Variants in ANK1 observed in about 807,000 individuals in gnomAD.
ANK1 encodes ankyrin-1.
In ANK1, 51 loss-of-function variants were observed where a neutral mutation model predicts 210.4. That is an observed-to-expected ratio of 0.24 (90% confidence interval 0.19 to 0.31). The LOEUF is 0.31. Ranked by LOEUF, ANK1 falls within the 10% of genes least tolerant of loss-of-function variation. The probability of loss-of-function intolerance (pLI) is 1.00; values close to 1 mark genes in which losing one functional copy is unlikely to be tolerated. For missense variants in ANK1, 2,051 were observed against 2,504.4 expected, an observed-to-expected ratio of 0.82 and a Z score of 3.86; for synonymous variants, 967 against 1,025.9, an observed-to-expected ratio of 0.94 and a Z score of 1.10.
At position 41,842,900 on chromosome 8, in the gene ANK1, A is replaced by G. The variant is rs567903781; in HGVS notation, c.126+53455T>C. ...CTCCTTCTGTCGCCCAGGCTGGAGT[A>G]CAGTGGCATGATCTCCGCTCACTGC... On this transcript the variant is annotated intron_variant, in intron 1 of 42. Coordinates refer to the ANK1 transcript ENST00000265709. 5.9e-5 allele frequency among the ~76,000 whole-genome samples: 9 copies of G among 152,066 alleles called. 1 individual carries two copies. In the South Asian group the frequency reaches 6.2e-4, roughly 11 times the overall value.
intron 2 of ANK1, among the ~76,000 whole-genome samples, chr8:41,754,906 C>A (rs1382359418): frequency 3.3e-5 from 5 of 152,226 alleles, no homozygotes; most frequent in African/African-American, 1.2e-4. Flanking sequence ...TTCTGCTCAG[C>A]CACAGACCAT....
At chr8:41,839,563 C>G (rs572600185) in intron 1 of ANK1, among the ~76,000 whole-genome samples, 1 of 152,196 alleles carries the variant, frequency 6.6e-6, no homozygotes, top group South Asian at 2.1e-4. Context: ...AGGCACATAT[C>G]GGTGGGATAA....
chr8:41,813,691 A>G (rs1199170194), intron 1 of ANK1, among the ~76,000 whole-genome samples: 2 of 152,190 alleles, frequency 1.3e-5, no homozygotes, highest in Non-Finnish European at 2.9e-5. Flanking sequence ...TTAAAATCCT[A>G]TTAAGGTTAG....
At position 41,698,081 on chromosome 8, in the gene ANK1, G is replaced by T; in HGVS notation, c.2599C>A (p.Pro867Thr). The change falls in exon 24 of 43, where the codon CCT (proline) becomes ACT (threonine). Residue 867 changes from proline (P) to threonine (T), a missense_variant. By Grantham distance (38) the Pro-to-Thr change is conservative. Around this residue, in one of 6 missense-constraint regions of ANK1, gnomAD observed 1,413 missense variants for 1,707.4 expected, o/e 0.83. Transcript: ENST00000289734. ...PAIPRIPCAM[P>T]ETVVIRSEEQ... ...TCTGACCTGATCACCACTGTCTCAGGCATGGCACAGGGAATCCTGGGGATG... is the reference window on the plus strand; with the variant it reads ...TCTGACCTGATCACCACTGTCTCAGTCATGGCACAGGGAATCCTGGGGATG... 6.2e-7 allele frequency: 1 copy of T among 1,614,074 alleles called. No individual in the cohort carries two copies.
In ANK1 at chr8:41,661,493, C is replaced by A. The variant is rs780517782; in HGVS notation, c.5616G>T (p.Arg1872=). Residue 1872 remains arginine (R), a synonymous_variant, in exon 42 of 43, where the codon CGG becomes CGT. Coordinates refer to ENST00000289734, the MANE Select transcript of ANK1 (RefSeq NM_000037.4). ...EGRKGAQIVK[R]ASLKRGKQ ...ACTGTTTCCCCCTTTTCAGGCTGGCCCGCTTCACTATCTGCGCCCCCTTCC... is the reference window on the plus strand; with the variant it reads ...ACTGTTTCCCCCTTTTCAGGCTGGCACGCTTCACTATCTGCGCCCCCTTCC... 5 of 1,614,098 alleles carry A rather than the reference C, an allele frequency of 3.1e-6. No individual in the cohort carries two copies. Among genetic ancestry groups the A allele is most frequent in the Non-Finnish European group, 4.2e-6 (5 of 1,180,040 alleles).
chr8:41,708,993 G>A lies in ANK1; in HGVS notation c.1801-18C>T, dbSNP rs756538201. ...TAGCCATTCTGAAACAGAAGAAGCC[G>A]CCCAGAGCCTGGTTACAGGAATGCT... is the stretch of plus-strand genomic sequence containing the variant. On this transcript the variant is annotated intron_variant, in intron 16 of 42. Coordinates refer to ENST00000289734, the MANE Select transcript of ANK1 (RefSeq NM_000037.4). The A allele has an allele frequency of 3.2e-5, 51 of 1,613,088 alleles. No individual in the cohort carries two copies. The highest frequency in any genetic ancestry group is 1.9e-4 in the South Asian group (17 of 91,026).
At chr8:41,697,727 C>A in intron 24 of ANK1, 1 of 438,352 alleles carries the variant, frequency 2.3e-6, no homozygotes, top group Non-Finnish European at 4.3e-6. Flanking sequence ...GAGTTCCTAC[C>A]CTAGGCCAAG....
chr8:41,666,222 T>C (rs777705761), intron 39 of ANK1, among the ~76,000 whole-genome samples: 1 of 145,950 alleles, frequency 6.9e-6, no homozygotes, highest in Non-Finnish European at 1.5e-5. Flanking sequence ...GCTAACACTA[T>C]GAATGATAAT....
intron 3 of ANK1, among the ~76,000 whole-genome samples, chr8:41,732,420 T>C (rs904724234): frequency 2.6e-5 from 4 of 152,182 alleles, no homozygotes; most frequent in Non-Finnish European, 5.9e-5. Context: ...TCATTTTATT[T>C]ATTTATTTTT....
intron 1 of ANK1, among the ~76,000 whole-genome samples, chr8:41,821,831 T>A (rs558145583): frequency 6.6e-6 from 1 of 152,110 alleles, no homozygotes; most frequent in Non-Finnish European, 1.5e-5. Context: ...GTGGATCACC[T>A]GAGGTCAGGA....
intron 14 of ANK1, 150 bp from the exon 15 acceptor site, chr8:41,715,224 A>G: frequency 1.4e-6 from 1 of 719,864 alleles, no homozygotes; most frequent in Non-Finnish European, 2.4e-6. Context: ...TGGGAGGCCG[A>G]AGACCTCAGG....
intron 39 of ANK1, chr8:41,665,207 T>C: frequency 6.5e-7 from 1 of 1,528,132 alleles, no homozygotes. Context: ...GGACACCGAA[T>C]GGCCCTCTCG....
intron 36 of ANK1, 116 bp downstream of exon 36, chr8:41,686,036 G>A (rs934473978): frequency 6.6e-7 from 1 of 1,513,988 alleles, no homozygotes; most frequent in African/African-American, 1.4e-5. Context: ...GTGTGTGTGA[G>A]AGAGACAGAG....
At chr8:41,841,015 A>G (rs1195546613) in intron 1 of ANK1, among the ~76,000 whole-genome samples, 1 of 152,150 alleles carries the variant, frequency 6.6e-6, no homozygotes, top group Non-Finnish European at 1.5e-5. Context: ...ATTACTGCGA[A>G]TCTACCGTGT....
At chr8:41,848,023 C>T (rs556833162) in intron 1 of ANK1, among the ~76,000 whole-genome samples, 6 of 151,692 alleles carry the variant, frequency 4.0e-5, no homozygotes, top group Admixed American at 2.0e-4. Context: ...TGTTTCTACT[C>T]AAAATACAAA....
chr8:41,723,322 T>A, intron 8 of ANK1, 99 bp from the exon 9 acceptor site: 2 of 1,343,780 alleles, frequency 1.5e-6, no homozygotes, highest in Non-Finnish European at 2.1e-6. Context: ...CCCACGCAAG[T>A]GCTGACGTTT....
intron 1 of ANK1, among the ~76,000 whole-genome samples, chr8:41,846,216 A>C (rs1455450095): frequency 1.3e-5 from 2 of 152,202 alleles, no homozygotes; most frequent in East Asian, 3.9e-4. Flanking sequence ...TACAAAGCTT[A>C]TTACAGACTA....
intron 3 of ANK1, among the ~76,000 whole-genome samples, chr8:41,731,800 C>A (rs1439671679): frequency 6.6e-6 from 1 of 152,214 alleles, no homozygotes. Flanking sequence ...CGGAAACAGT[C>A]GAAGCGCTGA....
Position 41,668,533 on chromosome 8 carries a change from C to A in ANK1, c.5128G>T (p.Val1710Phe). The A allele has an allele frequency of 9.3e-6, 15 of 1,614,008 alleles. No homozygotes were observed. Among genetic ancestry groups the A allele is most frequent in the Middle Eastern group, 1.6e-4 (1 of 6,062 alleles). The part of the protein sequence containing the change: ...LQDWDADGSI[V>F]SYLQDAAQGS... ...TGTGCAGCATCTTGCAGGTATGAGA[C>A]AATCGAGCCGTCTGCATCCCAGTCC... Residue 1710 changes from valine to phenylalanine, a missense_variant, in exon 39 of 43, where the codon GTC (valine) becomes TTC (phenylalanine). Val to Phe is a conservative substitution (Grantham distance 50). Transcript: ENST00000289734.
Sources: gnomAD v4.1 joint callset for allele counts (sites outside exome capture counted in the v4.1 genomes callset) on GRCh38, gnomAD v4.1.1 for gene constraint, gnomAD v4.1.1 regional missense constraint, MANE v1.5 for transcripts, NCBI Gene and HGNC (gene_info 2026-07-23, HGNC 2026-07-21) for gene names.